Variants in TCP11L1 observed in about 807,000 individuals in gnomAD.
The protein encoded by TCP11L1 is T-complex protein 11-like protein 1.
TCP11L1 carries 28 observed loss-of-function variants against 48.9 expected under a neutral mutation model. The ratio of observed to expected loss-of-function variants is 0.57; its 90% CI spans 0.42 to 0.78. The LOEUF (loss-of-function observed/expected upper bound fraction) is 0.78, where lower values mean the gene tolerates loss of function less well. Among genes scored for constraint, TCP11L1 ranks in the 30% least tolerant of loss-of-function variants. TCP11L1 has a pLI of 0.00. For missense variants in TCP11L1, 505 were observed against 613.4 expected (o/e 0.82, Z 1.87); for synonymous variants, 204 against 231.9 (o/e 0.88, Z 1.09).
At chr11:33,069,378 G>A (rs1204593143) in intron 9 of TCP11L1, among the ~76,000 whole-genome samples, 1 of 151,096 alleles carries the variant, frequency 6.6e-6, no homozygotes, top group Non-Finnish European at 1.5e-5. Context: ...ACTTAAAATG[G>A]TAATATTAAG....
intron 2 of TCP11L1, among the ~76,000 whole-genome samples, chr11:33,051,446 C>T (rs1296292165): frequency 6.6e-6 from 1 of 152,150 alleles, no homozygotes; most frequent in Admixed American, 6.5e-5. Flanking sequence ...GGATTACAGG[C>T]GTGATAGAGT....
chr11:33,055,704 GCTTCTAAATATGA>G (rs1249779478), intron 3 of TCP11L1, among the ~76,000 whole-genome samples: 1 of 152,202 alleles, frequency 6.6e-6, no homozygotes, highest in East Asian at 1.9e-4. Flanking sequence ...CCCACAAGAA[GCTTCTAAATATGA>G]CTTCACAGAG....
At chr11:33,059,131 C>A in intron 6 of TCP11L1, 36 bp downstream of exon 6, 1 of 1,602,824 alleles carries the variant, frequency 6.2e-7, no homozygotes, top group Non-Finnish European at 8.5e-7. Flanking sequence ...TTTTTGTTGT[C>A]TGTGGTTTTT....
intron 2 of TCP11L1, among the ~76,000 whole-genome samples, chr11:33,050,489 A>T (rs768182815): frequency 6.6e-6 from 1 of 152,186 alleles, no homozygotes; most frequent in Non-Finnish European, 1.5e-5. Flanking sequence ...GAAATAATTT[A>T]AAAATAAGCA....
chr11:33,064,602 G>A (rs76512003), intron 7 of TCP11L1, among the ~76,000 whole-genome samples: 2,431 of 152,238 alleles, frequency 0.016, 67 homozygotes, highest in African/African-American at 0.053. Context: ...CTTGCTTTCC[G>A]GGAGGCTTTA....
chr11:33,061,397 C>A, intron 6 of TCP11L1, 133 bp from the exon 7 acceptor site: 1 of 921,910 alleles, frequency 1.1e-6, no homozygotes, highest in Non-Finnish European at 1.5e-6. Flanking sequence ...TGATTTGATC[C>A]AAGTTTTATT....
intron 3 of TCP11L1, among the ~76,000 whole-genome samples, chr11:33,056,201 C>A (rs1233467014): frequency 6.6e-6 from 1 of 152,102 alleles, no homozygotes; most frequent in Admixed American, 6.6e-5. Flanking sequence ...CCTCCATCTC[C>A]TAGGTTCAAG....
At chr11:33,040,731 C>T (rs1853805922) in intron 1 of TCP11L1, 1 of 152,174 alleles carries the variant, frequency 6.6e-6, no homozygotes, top group Non-Finnish European at 1.5e-5. Flanking sequence ...TGTGCCTTGG[C>T]TTCTGCCCTC....
At chr11:33,042,270 A>G (rs1853858762) in intron 1 of TCP11L1, among the ~76,000 whole-genome samples, 1 of 152,158 alleles carries the variant, frequency 6.6e-6, no homozygotes, top group Non-Finnish European at 1.5e-5. Flanking sequence ...ATTTGGGACT[A>G]CAGGCACCGC....
Position 33,068,858 on chromosome 11 carries a change from G to A in TCP11L1, c.1326G>A (p.Met442Ile). The stretch of plus-strand genomic sequence containing the variant: ...CCGATGACCCCATTCGCAGGATCAT[G>A]GGTACGTTTGGGGAAGGCAGGCAGC... ...ASPDDPIRRI[M>I]ESRILTFLET... The change falls in exon 9 of 10, where the codon ATG becomes ATA. Residue 442 changes from methionine (M) to isoleucine (I), a missense_variant and splice_region_variant. Physicochemically the swap from Met to Ile is conservative, Grantham distance 10. Transcript: ENST00000334274. 6.2e-7 allele frequency: 1 copy of A among 1,609,740 alleles called. No homozygotes were observed. The highest frequency in any genetic ancestry group is 8.5e-7 in the Non-Finnish European group (1 of 1,176,456).
intron 8 of TCP11L1, among the ~76,000 whole-genome samples, chr11:33,067,081 A>G (rs1854640881): frequency 6.6e-6 from 1 of 152,218 alleles, no homozygotes; most frequent in African/African-American, 2.4e-5. Context: ...ATATTCCTGC[A>G]GAGCTGCATG....
intron 9 of TCP11L1, among the ~76,000 whole-genome samples, 162 bp from the exon 10 acceptor site, chr11:33,072,312 G>A (rs1401800899): frequency 1.3e-5 from 2 of 152,204 alleles, no homozygotes; most frequent in African/African-American, 2.4e-5. Flanking sequence ...TTATAAATGG[G>A]ATGAATATGC....
At chr11:33,071,383 G>A (rs1227711174) in intron 9 of TCP11L1, among the ~76,000 whole-genome samples, 1 of 152,202 alleles carries the variant, frequency 6.6e-6, no homozygotes, top group Admixed American at 6.5e-5. Flanking sequence ...GTGAGGCTCA[G>A]GAGGGTATAA....
rs1854608060 is a variant in TCP11L1 at position 33,066,017 on chromosome 11, T to A, written c.1154+6T>A. The A allele has an allele frequency of 6.2e-7, 1 of 1,613,776 alleles. No individual in the cohort carries two copies. On this transcript the variant is annotated splice_donor_region_variant and intron_variant, in intron 8 of 9. Coordinates refer to ENST00000334274, the MANE Select transcript of TCP11L1 (RefSeq NM_018393.4). ...CTAACAGATATGCACCTGCCGTAAG[T>A]GGAACTTTGATGCGTGGATGGGACG...
At chr11:33,048,893 T>C (rs1057252061) in intron 2 of TCP11L1, among the ~76,000 whole-genome samples, 6 of 152,210 alleles carry the variant, frequency 3.9e-5, no homozygotes, top group African/African-American at 1.4e-4. Flanking sequence ...CCAGCCACTG[T>C]GTTTCATGAC....
At position 33,061,549 on chromosome 11, in the gene TCP11L1, C is replaced by T; in HGVS notation, c.795C>T (p.Thr265=). Residue 265 remains threonine (T), a synonymous_variant, in exon 7 of 10, where the codon ACC becomes ACT. Coordinates refer to ENST00000334274, the MANE Select transcript of TCP11L1 (RefSeq NM_018393.4). ...ERQPNSLDFV[T]QWLEEASEDL... The stretch of plus-strand genomic sequence containing the variant: ...TCACAGATTCCCTGGACTTTGTCAC[C>T]CAGTGGCTGGAAGAAGCCTCAGAGG... 1.2e-6 allele frequency: 2 copies of T among 1,605,950 alleles called. No homozygotes were observed. The highest frequency in any genetic ancestry group is 1.7e-6 in the Non-Finnish European group (2 of 1,175,968).
At chr11:33,052,110 G>T (rs1477531332) in intron 2 of TCP11L1, among the ~76,000 whole-genome samples, 1 of 152,046 alleles carries the variant, frequency 6.6e-6, no homozygotes, top group Non-Finnish European at 1.5e-5. Flanking sequence ...AGTGGGAGGA[G>T]GGAGAGGATC....
At chr11:33,055,362 C>T (rs577572118) in intron 3 of TCP11L1, among the ~76,000 whole-genome samples, 35 of 152,322 alleles carry the variant, frequency 2.3e-4, no homozygotes, top group Admixed American at 2.3e-3. Flanking sequence ...AATGCTGCAG[C>T]TCCAAGCATC....
chr11:33,066,545 G>A (rs1220895708), intron 8 of TCP11L1, among the ~76,000 whole-genome samples: 3 of 151,994 alleles, frequency 2.0e-5, no homozygotes, highest in African/African-American at 7.3e-5. Context: ...GGGCTTAGAG[G>A]TCCCGCGGCC....
Sources: gnomAD v4.1 joint callset for allele counts (sites outside exome capture counted in the v4.1 genomes callset) on GRCh38, gnomAD v4.1.1 for gene constraint, MANE v1.5 for transcripts, NCBI Gene and HGNC (gene_info 2026-07-23, HGNC 2026-07-21) for gene names.